The following MEI4 variants were observed in gnomAD, a reference collection of about 807,000 sequenced individuals.
MEI4 encodes meiosis-specific protein MEI4.
In MEI4, 27 loss-of-function variants were observed where a neutral mutation model predicts 31.4. That is an observed-to-expected ratio of 0.86 (90% confidence interval 0.63 to 1.19). MEI4 has a LOEUF of 1.19. Among genes scored for constraint, MEI4 ranks in the 50% most tolerant of loss-of-function variants. MEI4 has a pLI of 0.00. For missense variants in MEI4, 329 were observed against 398.9 expected (o/e 0.82, Z 1.49); for synonymous variants, 122 against 145.4 (o/e 0.84, Z 1.16).
chr6:77,685,350 C>G (rs1036757766), intron 1 of MEI4, among the ~76,000 whole-genome samples: 2 of 142,612 alleles, frequency 1.4e-5, no homozygotes, highest in Non-Finnish European at 3.0e-5. Context: ...AGCTTTTTAA[C>G]TTGGTGTGAT....
rs919870209 is a variant in MEI4 at position 77,735,651 on chromosome 6, G to A, written c.233-25479G>A. 3.9e-5 allele frequency among the ~76,000 whole-genome samples: 6 copies of A among 152,028 alleles called. No homozygotes were observed. The South Asian group carries it at 6.2e-4, about 16-fold the overall frequency. On this transcript the variant is annotated intron_variant, in intron 2 of 4. Transcript: ENST00000684080. The stretch of plus-strand genomic sequence containing the variant: ...TCTTAGCTTGTCAAAGTCATTCTCT[G>A]TCCAGCTTTGTTCCATTGCTGGTGA...
At chr6:77,875,341 G>A (rs1771308473) in intron 4 of MEI4, among the ~76,000 whole-genome samples, 1 of 152,192 alleles carries the variant, frequency 6.6e-6, no homozygotes, top group African/African-American at 2.4e-5. Context: ...TAGAACTCCT[G>A]TATTTTATGT....
chr6:77,802,999 CT>C (rs1561995396), intron 3 of MEI4, among the ~76,000 whole-genome samples: 1 of 152,056 alleles, frequency 6.6e-6, no homozygotes, highest in East Asian at 1.9e-4. Context: ...TCTGTATTTC[CT>C]GAATTTGAAT....
At chr6:77,840,124 GTACA>G (rs532317193) in intron 4 of MEI4, among the ~76,000 whole-genome samples, 55 of 152,252 alleles carry the variant, frequency 3.6e-4, no homozygotes, top group Non-Finnish European at 2.6e-4. Context: ...TTGTACCTGT[GTACA>G]TACATACATG....
chr6:77,677,330 C>G (rs1407492437), intron 1 of MEI4, among the ~76,000 whole-genome samples: 1 of 152,150 alleles, frequency 6.6e-6, no homozygotes, highest in African/African-American at 2.4e-5. Flanking sequence ...ACAGCTCTAC[C>G]TTGCAGTTAG....
At chr6:77,748,297 G>A (rs1046216317) in intron 2 of MEI4, among the ~76,000 whole-genome samples, 3 of 152,216 alleles carry the variant, frequency 2.0e-5, no homozygotes, top group Non-Finnish European at 4.4e-5. Context: ...TGGACATCCA[G>A]GCATTTCCAT....
At chr6:77,846,848 A>G (rs1388094144) in intron 4 of MEI4, among the ~76,000 whole-genome samples, 2 of 152,180 alleles carry the variant, frequency 1.3e-5, no homozygotes, top group Non-Finnish European at 2.9e-5. Flanking sequence ...TACATCTTGC[A>G]GTATACAGAG....
intron 2 of MEI4, among the ~76,000 whole-genome samples, chr6:77,735,538 A>C (rs1225730108): frequency 6.6e-6 from 1 of 151,934 alleles, no homozygotes; most frequent in East Asian, 1.9e-4. Context: ...CATTCTTCTA[A>C]ATTTTTTTCA....
At chr6:77,716,152 C>A (rs151292897) in intron 2 of MEI4, among the ~76,000 whole-genome samples, 151 of 152,270 alleles carry the variant, frequency 9.9e-4, no homozygotes, top group African/African-American at 3.4e-3. Context: ...AGTTTACAGT[C>A]AAAGGCAGAA....
At chr6:77,808,463 C>T (rs1248026145) in intron 3 of MEI4, among the ~76,000 whole-genome samples, 1 of 151,982 alleles carries the variant, frequency 6.6e-6, no homozygotes, top group East Asian at 1.9e-4. Flanking sequence ...TGGAGACCCT[C>T]AATGTCAAGA....
intron 3 of MEI4, among the ~76,000 whole-genome samples, chr6:77,766,332 T>C (rs2127684570): frequency 6.6e-6 from 1 of 152,308 alleles, no homozygotes; most frequent in African/African-American, 2.4e-5. Flanking sequence ...TCGTTTTTGC[T>C]TCAATCACAG....
intron 4 of MEI4, among the ~76,000 whole-genome samples, chr6:77,841,581 A>G (rs976841638): frequency 3.3e-5 from 5 of 151,584 alleles, no homozygotes; most frequent in African/African-American, 1.2e-4. Flanking sequence ...ACCTTGGGTG[A>G]TCCACCCACC....
At chr6:77,792,992 G>C (rs559993911) in intron 3 of MEI4, among the ~76,000 whole-genome samples, 1 of 152,072 alleles carries the variant, frequency 6.6e-6, no homozygotes, top group East Asian at 1.9e-4. Flanking sequence ...GATTACAGGC[G>C]GGAGCCATCA....
chr6:77,719,206 C>T lies in MEI4; in HGVS notation c.232+28303C>T, dbSNP rs561795595. 1.1e-4 allele frequency among the ~76,000 whole-genome samples: 16 copies of T among 141,006 alleles called. 4 individuals are homozygous for T. The highest frequency in any genetic ancestry group is 3.8e-4 in the African/African-American group (14 of 37,140). The allele number at this position is 141,006 out of a possible 152,430, so 92.5% of individuals were successfully genotyped here. A position where few individuals can be genotyped will look rare whatever the true frequency, so the allele number is the denominator to read the frequency against. ...CAAATTCATTGTTTTGTAATATCAC[C>T]GCACTATTGGCCACACATTCTTCCC... On this transcript the variant is annotated intron_variant, in intron 2 of 4. Transcript: ENST00000684080.
intron 2 of MEI4, among the ~76,000 whole-genome samples, chr6:77,710,693 C>T (rs1443922527): frequency 6.6e-6 from 1 of 151,996 alleles, no homozygotes; most frequent in Admixed American, 6.6e-5. Context: ...GACTCTCAAC[C>T]CTAGCTCTGC....
At chr6:77,785,600 A>G (rs1231710112) in intron 3 of MEI4, among the ~76,000 whole-genome samples, 1 of 152,202 alleles carries the variant, frequency 6.6e-6, no homozygotes, top group Non-Finnish European at 1.5e-5. Context: ...AAGCAAAGCA[A>G]GGATATTGTG....
At chr6:77,911,173 T>C (rs1369932915) in intron 4 of MEI4, among the ~76,000 whole-genome samples, 1 of 152,128 alleles carries the variant, frequency 6.6e-6, no homozygotes, top group African/African-American at 2.4e-5. Flanking sequence ...TTAGTCCATT[T>C]ATTTAGATAA....
At chr6:77,902,133 AG>A (rs1207783282) in intron 4 of MEI4, among the ~76,000 whole-genome samples, 1 of 152,132 alleles carries the variant, frequency 6.6e-6, no homozygotes, top group Admixed American at 6.6e-5. Context: ...GAAATCAGAT[AG>A]TATGATGCAT....
At chr6:77,869,947 A>G (rs141199468) in intron 4 of MEI4, among the ~76,000 whole-genome samples, 338 of 152,186 alleles carry the variant, frequency 2.2e-3, no homozygotes, top group African/African-American at 7.4e-3. Context: ...CTGAGTGCCT[A>G]TCAGCTCCCC....
Sources: gnomAD v4.1 joint callset for allele counts (sites outside exome capture counted in the v4.1 genomes callset) on GRCh38, gnomAD v4.1.1 for gene constraint, MANE v1.5 for transcripts, NCBI Gene and HGNC (gene_info 2026-07-23, HGNC 2026-07-21) for gene names.